Variants in CSMD1 observed in about 807,000 individuals in gnomAD.
CSMD1 encodes CUB and Sushi multiple domains 1, also known as CUB and sushi domain-containing protein 1.
A neutral mutation model predicts 417.5 loss-of-function variants in CSMD1; 213 were observed. The ratio of observed to expected loss-of-function variants is 0.51; its 90% CI spans 0.46 to 0.57. The LOEUF (loss-of-function observed/expected upper bound fraction) is 0.57, where lower values mean the gene tolerates loss of function less well. Ranked by LOEUF, CSMD1 falls within the 20% of genes least tolerant of loss-of-function variation. CSMD1 has a pLI of 0.00. For missense variants in CSMD1, 6,923 were observed against 4,529.7 expected (o/e 1.53, Z -15.17); for synonymous variants, 2,862 against 1,736.8 (o/e 1.65, Z -16.11).
chr8:4,574,227 C>G (rs2616997), intron 2 of CSMD1, among the ~76,000 whole-genome samples: 61,613 of 151,838 alleles, frequency 0.41, 13,155 homozygotes, highest in East Asian at 0.55. Context: ...CGAGTTTTTT[C>G]CTTGAAACCC....
At chr8:4,847,297 T>C (rs1381604312) in intron 1 of CSMD1, among the ~76,000 whole-genome samples, 1 of 152,236 alleles carries the variant, frequency 6.6e-6, no homozygotes, top group Admixed American at 6.5e-5. Flanking sequence ...TTAAGAGAAT[T>C]GGCATAAATA....
chr8:3,587,758 G>A (rs1295182211), intron 8 of CSMD1, among the ~76,000 whole-genome samples: 1 of 152,164 alleles, frequency 6.6e-6, no homozygotes, highest in Non-Finnish European at 1.5e-5. Flanking sequence ...AACTTAATAT[G>A]CAAAAGCTTA....
At chr8:4,177,721 GATGCAATAAAAAATGATA>G (rs1584964465) in intron 3 of CSMD1, among the ~76,000 whole-genome samples, 1 of 149,428 alleles carries the variant, frequency 6.7e-6, no homozygotes, top group East Asian at 2.0e-4. Flanking sequence ...GAATCAAATA[GATGCAATAAAAAATGATA>G]AAGGGGATAT....
chr8:3,803,231 C>T (rs915084700), intron 5 of CSMD1, among the ~76,000 whole-genome samples: 2 of 152,132 alleles, frequency 1.3e-5, no homozygotes, highest in Non-Finnish European at 1.5e-5. Flanking sequence ...GTGCCAACCC[C>T]CATTCTGACT....
chr8:4,021,661 T>C (rs1424431876), intron 4 of CSMD1, among the ~76,000 whole-genome samples: 1 of 152,224 alleles, frequency 6.6e-6, no homozygotes. Flanking sequence ...CCCTTTTCTC[T>C]TTTGGCGCAT....
intron 42 of CSMD1, among the ~76,000 whole-genome samples, chr8:3,115,964 A>G (rs1816840141): frequency 6.6e-6 from 1 of 152,200 alleles, no homozygotes; most frequent in Non-Finnish European, 1.5e-5. Context: ...ACCACTGTCA[A>G]TTAATAAAAT....
At chr8:4,800,450 A>C (rs1483075106) in intron 1 of CSMD1, among the ~76,000 whole-genome samples, 1 of 152,056 alleles carries the variant, frequency 6.6e-6, no homozygotes, top group Non-Finnish European at 1.5e-5. Flanking sequence ...AAAAAAAAAA[A>C]AAAAGGAAAA....
chr8:3,761,800 C>T (rs746622188), intron 5 of CSMD1, among the ~76,000 whole-genome samples: 11 of 152,098 alleles, frequency 7.2e-5, no homozygotes, highest in Non-Finnish European at 1.5e-4. Flanking sequence ...GCAACAATGC[C>T]CAGCCAAAAT....
chr8:4,365,568 T>C (rs567152256), intron 3 of CSMD1, among the ~76,000 whole-genome samples: 61 of 152,354 alleles, frequency 4.0e-4, no homozygotes, highest in African/African-American at 1.4e-3. Context: ...GTGCCTCTTA[T>C]TGATGATATC....
At chr8:3,392,804 A>G (rs1330621519) in intron 17 of CSMD1, among the ~76,000 whole-genome samples, 1 of 152,068 alleles carries the variant, frequency 6.6e-6, no homozygotes, top group South Asian at 2.1e-4. Context: ...GTAAACGGGG[A>G]CACCCTCTGA....
At chr8:4,262,402 C>A (rs1005233129) in intron 3 of CSMD1, among the ~76,000 whole-genome samples, 1 of 152,170 alleles carries the variant, frequency 6.6e-6, no homozygotes, top group African/African-American at 2.4e-5. Context: ...AGAATAAAGG[C>A]AGGTTTGTGG....
chr8:3,412,466 C>G (rs1056217436), intron 12 of CSMD1, among the ~76,000 whole-genome samples: 1 of 152,016 alleles, frequency 6.6e-6, no homozygotes, highest in Admixed American at 6.6e-5. Flanking sequence ...ATATTGCATT[C>G]AAGAGGAGAA....
At chr8:3,298,950 A>G (rs1261265711) in intron 25 of CSMD1, among the ~76,000 whole-genome samples, 1 of 152,168 alleles carries the variant, frequency 6.6e-6, no homozygotes, top group Non-Finnish European at 1.5e-5. Context: ...TTTATGCTAT[A>G]TGCTAATGAG....
At chr8:4,622,388 T>C (rs1436964833) in intron 2 of CSMD1, among the ~76,000 whole-genome samples, 1 of 152,062 alleles carries the variant, frequency 6.6e-6, no homozygotes, top group Non-Finnish European at 1.5e-5. Flanking sequence ...CTAATGTCTG[T>C]GGGACCTTCT....
intron 2 of CSMD1, among the ~76,000 whole-genome samples, chr8:4,581,500 AG>A (rs1217617113): frequency 6.6e-6 from 1 of 152,202 alleles, no homozygotes; most frequent in South Asian, 2.1e-4. Flanking sequence ...ATGTAGAAAA[AG>A]GGTTTGAGAA....
chr8:3,429,831 C>T (rs1424473543), intron 12 of CSMD1, among the ~76,000 whole-genome samples: 2 of 152,124 alleles, frequency 1.3e-5, no homozygotes, highest in Non-Finnish European at 2.9e-5. Flanking sequence ...CCACCTCCCC[C>T]ACAAAAATAC....
intron 2 of CSMD1, among the ~76,000 whole-genome samples, chr8:4,423,004 C>T (rs1406031019): frequency 6.6e-6 from 1 of 151,886 alleles, no homozygotes; most frequent in Non-Finnish European, 1.5e-5. Flanking sequence ...TTCTCAGTAA[C>T]ATATGATTGG....
intron 1 of CSMD1, among the ~76,000 whole-genome samples, chr8:4,743,878 T>G (rs1170018306): frequency 6.6e-6 from 1 of 152,184 alleles, no homozygotes; most frequent in Non-Finnish European, 1.5e-5. Flanking sequence ...ACTCAAGTTC[T>G]AGTTGCTCCC....
At chr8:3,043,756 G>A (rs575553900) in intron 50 of CSMD1, 2 of 152,156 alleles carry the variant, frequency 1.3e-5, no homozygotes, top group Admixed American at 1.3e-4. Flanking sequence ...CCAACACCTT[G>A]GACAAAACCG....
Sources: allele counts gnomAD v4.1 joint callset (sites outside exome capture counted in the v4.1 genomes callset), GRCh38; gene constraint gnomAD v4.1.1; transcripts MANE v1.5; gene names NCBI Gene and HGNC (gene_info 2026-07-23, HGNC 2026-07-21).